ERI1: variants seen among roughly 807,000 people sequenced by gnomAD.
The protein encoded by ERI1 is exoribonuclease 1.
Under a neutral mutation model 39.7 loss-of-function variants are expected in ERI1, and 39 were observed. The observed-to-expected ratio is 0.98, with a 90% CI of 0.76 to 1.28. The LOEUF is 1.28. ERI1 is among the 50% of genes most tolerant of loss of function. The probability of loss-of-function intolerance (pLI) is 0.00; values close to 1 mark genes in which losing one functional copy is unlikely to be tolerated. For missense variants in ERI1, 581 were observed against 416.9 expected (o/e 1.39, Z -3.43); for synonymous variants, 204 against 149.6 (o/e 1.36, Z -2.65).
chr8:9,033,853 A>G (rs1797749801), downstream of ERI1, among the ~76,000 whole-genome samples: 1 of 115,866 alleles, frequency 8.6e-6, no homozygotes, highest in Non-Finnish European at 1.9e-5. Flanking sequence ...GGTAGAATAA[A>G]CATCTTCCTG....
At chr8:9,070,236 C>T (rs1346723534) in intron 3 of ERI1, among the ~76,000 whole-genome samples, 7 of 119,392 alleles carry the variant, frequency 5.9e-5, no homozygotes, top group African/African-American at 1.6e-4. Flanking sequence ...GACGCTGTCT[C>T]AAAAAAAAAA....
intron 3 of ERI1, among the ~76,000 whole-genome samples, chr8:9,077,041 A>G (rs1799231242): frequency 2.0e-5 from 3 of 152,234 alleles, no homozygotes; most frequent in African/African-American, 2.4e-5. Context: ...CTTCCAATGT[A>G]CCTCATACGC....
At chr8:9,018,903 C>G (rs990596488) in intron 5 of ERI1, among the ~76,000 whole-genome samples, 3 of 152,120 alleles carry the variant, frequency 2.0e-5, no homozygotes, top group African/African-American at 4.8e-5. Flanking sequence ...TGTGTTTTAC[C>G]CTGACAACGC....
intron 3 of ERI1, among the ~76,000 whole-genome samples, chr8:9,067,701 G>T (rs997139981): frequency 2.0e-5 from 3 of 150,826 alleles, no homozygotes; most frequent in African/African-American, 4.9e-5. Context: ...CATGGATAAG[G>T]CCTTACAGAT....
intron 2 of ERI1, 137 bp downstream of exon 2, chr8:9,008,285 T>C (rs1816262054): frequency 2.6e-6 from 2 of 755,202 alleles, no homozygotes; most frequent in East Asian, 6.0e-5. Context: ...CAAAAACTAA[T>C]TAACATTTTT....
Position 9,030,084 on chromosome 8 carries a change from A to G in ERI1, c.*50A>G, listed in dbSNP as rs1797480285. 6 of 1,602,006 alleles carry G rather than the reference A, an allele frequency of 3.7e-6. No homozygotes were observed. Among genetic ancestry groups the G allele is most frequent in the Non-Finnish European group, 5.1e-6 (6 of 1,171,204 alleles). On this transcript the variant is annotated 3_prime_UTR_variant, in exon 7 of 7. Coordinates refer to ENST00000250263, the MANE Select transcript of ERI1 (RefSeq NM_153332.4). ...CCAATTGAAGTTGCTATGAAGAGGT[A>G]GCAGATGAATCTCATTGAATTAGTC...
intron 3 of ERI1, among the ~76,000 whole-genome samples, chr8:9,078,653 T>A (rs991118174): frequency 1.3e-5 from 2 of 152,154 alleles, no homozygotes; most frequent in Non-Finnish European, 2.9e-5. Flanking sequence ...AGAGACCAAG[T>A]CATTTTCATC....
chr8:9,017,160 C>T (rs1390126699), intron 4 of ERI1, among the ~76,000 whole-genome samples: 1 of 152,160 alleles, frequency 6.6e-6, no homozygotes, highest in East Asian at 1.9e-4. Context: ...CTGCCTCAGC[C>T]TCCCAAGTAG....
intron 3 of ERI1, among the ~76,000 whole-genome samples, chr8:9,015,619 G>T (rs960689419): frequency 2.6e-5 from 4 of 151,226 alleles, no homozygotes; most frequent in African/African-American, 9.8e-5. Flanking sequence ...CTAGTTGGGA[G>T]GCTGAGGCAG....
rs1382629413 is a variant in ERI1, at chr8:9,007,989, T to C, written c.128T>C (p.Phe43Ser). ...PSPEETQQCK[F>S]DGQETKGSKF... ...TGGTAGGAAACTCAACAGTGTAAAT[T>C]TGATGGCCAGGAGACAAAAGGATCC... Residue 43 changes from phenylalanine (F) to serine (S), a missense_variant, in exon 2 of 7, where the codon TTT (phenylalanine) becomes TCT (serine). Transcript: ENST00000250263. 1 of 1,588,088 alleles carries C rather than the reference T, an allele frequency of 6.3e-7. No individual in the cohort carries two copies. Among genetic ancestry groups the C allele is most frequent in the East Asian group, 2.3e-5 (1 of 44,188 alleles).
chr8:9,009,757 CT>C (rs1264355804), intron 2 of ERI1, among the ~76,000 whole-genome samples: 2 of 152,134 alleles, frequency 1.3e-5, no homozygotes, highest in African/African-American at 2.4e-5. Flanking sequence ...CCAGGCTGGT[CT>C]CGAGCTCCAG....
downstream of ERI1, among the ~76,000 whole-genome samples, chr8:9,033,986 G>C (rs7824140): frequency 0.87 from 131,795 of 152,288 alleles, 57,353 homozygotes; most frequent in Non-Finnish European, 0.92. Flanking sequence ...GTGACCAGCT[G>C]TAAGGTTTTT....
chr8:9,082,859 T>A (rs7818455), intron 3 of ERI1, among the ~76,000 whole-genome samples: 21,133 of 152,174 alleles, frequency 0.14, 1,658 homozygotes, highest in Middle Eastern at 0.2. Context: ...CAGGGTGAAC[T>A]AAGACATGGA....
intron 3 of ERI1, among the ~76,000 whole-genome samples, chr8:9,089,494 C>A (rs1396136459): frequency 1.3e-5 from 2 of 152,146 alleles, no homozygotes; most frequent in Non-Finnish European, 2.9e-5. Context: ...GTTCCATAGA[C>A]CACTGGTGGT....
chr8:9,073,686 T>A (rs898313852), intron 3 of ERI1, among the ~76,000 whole-genome samples: 1 of 152,192 alleles, frequency 6.6e-6, no homozygotes, highest in Non-Finnish European at 1.5e-5. Context: ...ATTATATGCT[T>A]CTGGTATGAA....
intron 3 of ERI1, among the ~76,000 whole-genome samples, chr8:9,042,938 G>A (rs891621607): frequency 3.9e-5 from 6 of 152,178 alleles, no homozygotes; most frequent in East Asian, 1.9e-4. Context: ...GCGCAGTGCC[G>A]TATGTCCCCC....
chr8:9,036,201 G>C (rs1423496170), downstream of ERI1, among the ~76,000 whole-genome samples: 1 of 152,218 alleles, frequency 6.6e-6, no homozygotes, highest in Non-Finnish European at 1.5e-5. Context: ...TGGTTTGAGA[G>C]GATTGCCTCT....
chr8:9,045,011 G>A (rs1390538260), intron 3 of ERI1, among the ~76,000 whole-genome samples: 3 of 152,090 alleles, frequency 2.0e-5, no homozygotes, highest in African/African-American at 7.2e-5. Context: ...GCCGAGTCAG[G>A]CGGATCACGA....
At chr8:9,060,252 C>G (rs1278043883) in intron 3 of ERI1, among the ~76,000 whole-genome samples, 1 of 152,124 alleles carries the variant, frequency 6.6e-6, no homozygotes, top group Non-Finnish European at 1.5e-5. Context: ...GGAATTATGT[C>G]TGACAGAAGG....
Sources: gnomAD v4.1 joint callset for allele counts (sites outside exome capture counted in the v4.1 genomes callset) on GRCh38, gnomAD v4.1.1 for gene constraint, MANE v1.5 for transcripts, NCBI Gene and HGNC (gene_info 2026-07-23, HGNC 2026-07-21) for gene names.